Variants in AP4B1 observed in about 807,000 individuals in gnomAD.
The protein encoded by AP4B1 is AP-4 complex subunit beta-1.
Under a neutral mutation model 76.5 loss-of-function variants are expected in AP4B1, and 49 were observed. That is an observed-to-expected ratio of 0.64 (90% CI 0.51 to 0.81). The LOEUF (loss-of-function observed/expected upper bound fraction) is 0.81, where lower values mean the gene tolerates loss of function less well. Ranked by LOEUF, AP4B1 falls within the 40% of genes least tolerant of loss-of-function variation. The pLI is 0.00. For synonymous variants in AP4B1, 330 were observed against 333.3 expected, an observed-to-expected ratio of 0.99 and a Z score of 0.11; for missense variants, 911 against 904.9, an observed-to-expected ratio of 1.01 and a Z score of -0.09.
chr1:113,901,705 G>A lies in AP4B1; in HGVS notation c.469+50C>T. Reference sequence around the variant, plus strand: ...CCAAAGCCACACAATCTTTTTTAAAGTTATACATAATGGAGGCACATTGAC... The same window carrying A: ...CCAAAGCCACACAATCTTTTTTAAAATTATACATAATGGAGGCACATTGAC... On this transcript the variant is annotated intron_variant, in intron 3 of 9. Transcript: ENST00000369569. 3 of 1,611,442 alleles carry A rather than the reference G, an allele frequency of 1.9e-6. No homozygotes were observed. The African/African-American group carries it at 4.0e-5, about 21-fold the overall frequency.
At chr1:113,899,702 A>C in intron 5 of AP4B1, 1 of 745,874 alleles carries the variant, frequency 1.3e-6, no homozygotes, top group South Asian at 1.8e-5. Context: ...AGATACAGCA[A>C]CACCAATCTT....
chr1:113,901,148 C>T (rs1459842961), intron 4 of AP4B1, 88 bp downstream of exon 4: 1 of 1,506,442 alleles, frequency 6.6e-7, no homozygotes, highest in Admixed American at 1.7e-5. Flanking sequence ...TTTTCTACCC[C>T]ACATAAGTTG....
chr1:113,896,014 C>T lies in AP4B1; in HGVS notation c.1535G>A (p.Arg512Gln), dbSNP rs754458814. 8.1e-6 allele frequency: 13 copies of T among 1,614,168 alleles called. No individual in the cohort carries two copies. The highest frequency in any genetic ancestry group is 1.1e-5 in the Non-Finnish European group (13 of 1,180,020). ...GCGATAATAGAAGAGACCTCGGTCC[C>T]GTACAGCCATATCTTTTTCTTCCTC... is the stretch of plus-strand genomic sequence containing the variant. ...CIEEEKDMAV[R>Q]DRGLFYYRLL... is the part of the protein sequence containing the mutation. Residue 512 changes from arginine to glutamine, a missense_variant, in exon 9 of 10, where the codon CGG becomes CAG. Physicochemically the swap from Arg to Gln is conservative, Grantham distance 43. Transcript: ENST00000369569.
rs746759703 is a variant in AP4B1 at position 113,895,022 on chromosome 1, G to T, written c.*43C>A. On this transcript the variant is annotated 3_prime_UTR_variant, in exon 10 of 10. Transcript: ENST00000369569. ...CTCTAATAGGAAAGACTAAGAAAGT[G>T]TAATAGTTATTCATCTTACTCTAGA... 2.5e-6 allele frequency: 4 copies of T among 1,578,482 alleles called. No individual in the cohort carries two copies. The African/African-American group carries it at 5.4e-5, about 21-fold the overall frequency.
rs1209000235 is a variant in AP4B1 at position 113,900,020 on chromosome 1, A to G, written c.998T>C (p.Val333Ala). The G allele has an allele frequency of 3.1e-6, 5 of 1,614,026 alleles. No homozygotes were observed. Among genetic ancestry groups the G allele is most frequent in the Non-Finnish European group, 1.7e-6 (2 of 1,179,952 alleles). Residue 333 changes from valine to alanine, a missense_variant, in exon 5 of 10, where the codon GTG becomes GCG. Transcript: ENST00000369569. ...SEPHYIKLQK[V>A]EVLCELVNDE... ...GTTCACCAGTTCACACAGCACCTCCACTTTCTGTAGTTTGATGTAGTGGGG... is the reference window on the plus strand; with the variant it reads ...GTTCACCAGTTCACACAGCACCTCCGCTTTCTGTAGTTTGATGTAGTGGGG...
At position 113,895,258 on chromosome 1, in the gene AP4B1, G is replaced by A. The variant is rs758432909; in HGVS notation, c.2027C>T (p.Ser676Phe). ...IQTIAMSRAG[S>F]RPWKAYLSAQ... ...ACTGAGGTATGCTTTCCATGGCCGAGACCCAGCCCTACTCATTGCGATGGT... is the reference window on the plus strand; with the variant it reads ...ACTGAGGTATGCTTTCCATGGCCGAAACCCAGCCCTACTCATTGCGATGGT... Residue 676 changes from serine (S) to phenylalanine (F), a missense_variant, in exon 10 of 10, where the codon TCT becomes TTT. Physicochemically the swap from Ser to Phe is radical, Grantham distance 155. Coordinates refer to ENST00000369569, the MANE Select transcript of AP4B1 (RefSeq NM_001253852.3). The A allele has an allele frequency of 4.3e-6, 7 of 1,614,098 alleles. No homozygotes were observed. Among genetic ancestry groups the A allele is most frequent in the African/African-American group, 4.0e-5 (3 of 74,926 alleles).
In AP4B1 at chr1:113,902,758, C is replaced by T. The variant is rs1485512805; in HGVS notation, c.218G>A (p.Cys73Tyr). The T allele has an allele frequency of 6.2e-7, 1 of 1,614,170 alleles. No homozygotes were observed. Among genetic ancestry groups the T allele is most frequent in the Non-Finnish European group, 8.5e-7 (1 of 1,180,014 alleles). The change falls in exon 2 of 10, where the codon TGC becomes TAC. Residue 73 changes from cysteine to tyrosine, a missense_variant. By Grantham distance (194) the Cys-to-Tyr change is radical. Coordinates refer to ENST00000369569, the MANE Select transcript of AP4B1 (RefSeq NM_001253852.3). ...VQKKLVYLYM[C>Y]TYAPLKPDLA... Reference sequence around the variant, plus strand: ...ATCTGGTTTCAGGGGAGCATATGTGCACATGTACAGATAAACCAACTTCTT... The same window carrying T: ...ATCTGGTTTCAGGGGAGCATATGTGTACATGTACAGATAAACCAACTTCTT...
chr1:113,901,503 G>C, intron 3 of AP4B1, 120 bp from the exon 4 acceptor site: 2 of 1,273,056 alleles, frequency 1.6e-6, no homozygotes, highest in Non-Finnish European at 2.2e-6. Flanking sequence ...AATGACAAAG[G>C]CCACACTAAA....
chr1:113,904,838 T>C (rs191565789), upstream of AP4B1: 331 of 909,546 alleles, frequency 3.6e-4, no homozygotes, highest in African/African-American at 5.0e-3. Context: ...AAAGGCGAGA[T>C]CTCGCCTCAG....
In AP4B1 at chr1:113,898,759, A is replaced by G. The variant is rs778436384; in HGVS notation, c.1157T>C (p.Leu386Ser). ...TTGTCGAAGACCCAGCAACTCTGTT[A>G]AAATCTGAACACATTGATCTGTGTA... The part of the protein sequence containing the change: ...RTYTDQCVQI[L>S]TELLGLRQEH... Residue 386 changes from leucine to serine, a missense_variant, in exon 6 of 10, where the codon TTA (leucine) becomes TCA (serine). Transcript: ENST00000369569. 3 of 1,610,208 alleles carry G rather than the reference A, an allele frequency of 1.9e-6. No homozygotes were observed. Among genetic ancestry groups the G allele is most frequent in the South Asian group, 1.1e-5 (1 of 91,086 alleles).
intron 1 of AP4B1, among the ~76,000 whole-genome samples, chr1:113,903,145 A>G (rs1401026051): frequency 6.6e-6 from 1 of 152,248 alleles, no homozygotes; most frequent in Non-Finnish European, 1.5e-5. Context: ...GGCTCATTAT[A>G]AGCTCCGCTT....
chr1:113,900,384 G>A lies in AP4B1; in HGVS notation c.634C>T (p.Gln212Ter). The A allele has an allele frequency of 6.2e-7, 1 of 1,613,204 alleles. No individual in the cohort carries two copies. Reference sequence around the variant, plus strand: ...TTCAATACTTCAGCCTGGCCCCATTGGTCCAGTTTTGACATTCTATCCAAA... The same window carrying A: ...TTCAATACTTCAGCCTGGCCCCATTAGTCCAGTTTTGACATTCTATCCAAA... ...HLLNRMSKLD[Q>*]WGQAEVLNFL... is the part of the protein sequence containing the mutation. Residue 212 changes from glutamine (Q) to a stop codon, truncating the protein, a stop_gained, in exon 5 of 10, where the codon CAA (glutamine) becomes TAA (stop). Transcript: ENST00000369569. LOFTEE classifies it high-confidence loss of function.
upstream of AP4B1, chr1:113,905,025 G>C (rs913493320): frequency 4.8e-6 from 2 of 420,336 alleles, no homozygotes; most frequent in South Asian, 2.1e-5. Flanking sequence ...CGCCGCGTCC[G>C]ACTGACCGCA....
chr1:113,898,917 AGAAAAAAATTCACT>A, intron 5 of AP4B1, 116 bp from the exon 6 acceptor site: 1 of 1,014,780 alleles, frequency 9.9e-7, no homozygotes, highest in Non-Finnish European at 1.4e-6. Context: ...AAAAAAAAAA[AGAAAAAAATTCACT>A]CCTTACTTGA....
At position 113,900,116 on chromosome 1, in the gene AP4B1, C is replaced by T. The variant is rs768636022; in HGVS notation, c.902G>A (p.Arg301His). 46 of 1,614,020 alleles carry T rather than the reference C, an allele frequency of 2.9e-5. No individual in the cohort carries two copies. In the East Asian group the frequency reaches 9.1e-4, roughly 32 times the overall value. Reference sequence around the variant, plus strand: ...ACCTGGTAAACTATGCAAGATCTGGCGTACATGACAAAGAGCAACAAAACA... The same window carrying T: ...ACCTGGTAAACTATGCAAGATCTGGTGTACATGACAAAGAGCAACAAAACA... ...ELCFVALCHV[R>H]QILHSLPGHF... Residue 301 changes from arginine (R) to histidine (H), a missense_variant, in exon 5 of 10, where the codon CGC becomes CAC. By Grantham distance (29) the Arg-to-His change is conservative. Transcript: ENST00000369569.
chr1:113,904,636 G>A lies in AP4B1; in HGVS notation c.82C>T (p.Arg28Cys), dbSNP rs959753197. 29 of 1,613,640 alleles carry A rather than the reference G, an allele frequency of 1.8e-5. No homozygotes were observed. The highest frequency in any genetic ancestry group is 2.3e-5 in the Non-Finnish European group (27 of 1,179,968). Residue 28 changes from arginine to cysteine, a missense_variant, in exon 1 of 10, where the codon CGC becomes TGC. Coordinates refer to ENST00000369569, the MANE Select transcript of AP4B1 (RefSeq NM_001253852.3). ...CNPHIQADRL[R>C]YRNVIQRVIR... ...ACTCGCTGGATGACATTCCGGTAGC[G>A]CAGCCTATCAGCTTGAATGTGAGGA...
At chr1:113,901,622 G>T in intron 3 of AP4B1, 133 bp downstream of exon 3, 1 of 1,362,234 alleles carries the variant, frequency 7.3e-7, no homozygotes, top group Non-Finnish European at 1.0e-6. Context: ...AAGATACCAA[G>T]CCCTGCATCC....
chr1:113,894,905 G>C lies in AP4B1; in HGVS notation c.*160C>G, dbSNP rs1667284818. ...AATTGCCAATAGGAATGAAAGGAAT[G>C]AATCAATGTTCTTTGGCCAAAAACT... On this transcript the variant is annotated 3_prime_UTR_variant, in exon 10 of 10. Transcript: ENST00000369569. The C allele has an allele frequency of 1.3e-6, 1 of 746,572 alleles. No individual in the cohort carries two copies. Among genetic ancestry groups the C allele is most frequent in the Non-Finnish European group, 2.1e-6 (1 of 468,286 alleles). 46.2% of individuals were successfully genotyped at this position (746,572 alleles called of 1,614,324 possible). A position where few individuals can be genotyped will look rare whatever the true frequency, so the allele number is the denominator to read the frequency against.
rs772575711 is a variant in AP4B1, at chr1:113,900,416, A to C, written c.618-16T>G. 5 of 1,613,098 alleles carry C rather than the reference A, an allele frequency of 3.1e-6. No individual in the cohort carries two copies. The highest frequency in any genetic ancestry group is 4.5e-5 in the East Asian group (2 of 44,884). ...TTTTGACATTCTATCCAAAAAACAA[A>C]ACAAAAGAGCTATTTTAGCAACAAA... On this transcript the variant is annotated splice_polypyrimidine_tract_variant and intron_variant, in intron 4 of 9. Transcript: ENST00000369569.
Sources: gnomAD v4.1 joint callset for allele counts (sites outside exome capture counted in the v4.1 genomes callset) on GRCh38, gnomAD v4.1.1 for gene constraint, MANE v1.5 for transcripts, NCBI Gene and HGNC (gene_info 2026-07-23, HGNC 2026-07-21) for gene names.